The following CLCA4 variants were observed in gnomAD, a reference collection of about 807,000 sequenced individuals.
The protein encoded by CLCA4 is chloride channel accessory 4.
A neutral mutation model predicts 78.9 loss-of-function variants in CLCA4; 69 were observed. The observed-to-expected ratio is 0.87, with a 90% confidence interval of 0.72 to 1.07. The LOEUF (loss-of-function observed/expected upper bound fraction) is 1.07, where lower values mean the gene tolerates loss of function less well. Ranked by LOEUF, CLCA4 falls within the 50% of genes least tolerant of loss-of-function variation. CLCA4 has a pLI of 0.00. For missense variants in CLCA4, 1,133 were observed against 1,095.8 expected, an observed-to-expected ratio of 1.03 and a Z score of -0.48; for synonymous variants, 362 against 375.8, an observed-to-expected ratio of 0.96 and a Z score of 0.42.
intron 1 of CLCA4, among the ~76,000 whole-genome samples, chr1:86,548,682 T>C (rs1423314057): frequency 1.4e-4 from 7 of 49,784 alleles, no homozygotes; most frequent in African/African-American, 1.9e-4. Flanking sequence ...ACTCCCTCTC[T>C]GGAAAAAAAA....
chr1:86,563,887 TA>T (rs1228686669), intron 4 of CLCA4, 118 bp downstream of exon 4: 45 of 516,244 alleles, frequency 8.7e-5, no homozygotes, highest in African/African-American at 6.5e-4. Context: ...ACAATGCTTT[TA>T]TTTTTTTTTA....
intron 4 of CLCA4, among the ~76,000 whole-genome samples, chr1:86,564,247 T>C (rs991129063): frequency 1.3e-5 from 2 of 152,110 alleles, no homozygotes; most frequent in African/African-American, 4.8e-5. Flanking sequence ...GATTCTGTGA[T>C]CAAAAGAGCA....
Position 86,580,678 on chromosome 1 carries a change from T to C in CLCA4, c.*333T>C. 1 of 184,520 alleles carries C rather than the reference T, an allele frequency of 5.4e-6. No individual in the cohort carries two copies. The highest frequency in any genetic ancestry group is 6.1e-5 in the Admixed American group (1 of 16,508). 11.4% of individuals were successfully genotyped at this position (184,520 alleles called of 1,614,324 possible). ...TTCTGAAATGATATTTCAAATTGCA[T>C]CAAGAAATTAAAATCATCTATCTGA... On this transcript the variant is annotated 3_prime_UTR_variant, in exon 14 of 14. Coordinates refer to ENST00000370563, the MANE Select transcript of CLCA4 (RefSeq NM_012128.4).
intron 7 of CLCA4, among the ~76,000 whole-genome samples, chr1:86,570,246 T>G (rs923600057): frequency 6.6e-6 from 1 of 151,950 alleles, no homozygotes; most frequent in South Asian, 2.1e-4. Context: ...ACTGACAATC[T>G]GTCATTTTTC....
At chr1:86,578,996 C>A (rs1040683462) in intron 12 of CLCA4, among the ~76,000 whole-genome samples, 2 of 152,072 alleles carry the variant, frequency 1.3e-5, no homozygotes, top group African/African-American at 2.4e-5. Context: ...AGGGACCTAG[C>A]ACAAGTGGGT....
chr1:86,549,044 T>C (rs950992190), intron 1 of CLCA4, among the ~76,000 whole-genome samples: 15 of 152,218 alleles, frequency 9.9e-5, no homozygotes, highest in African/African-American at 3.4e-4. Flanking sequence ...ATGCAGTGTA[T>C]CTTCTTTTCA....
chr1:86,571,102 TC>T lies in CLCA4; in HGVS notation c.1209del (p.Asp404MetfsTer8). On this transcript the variant is annotated frameshift_variant, in exon 8 of 14. Coordinates refer to ENST00000370563, the MANE Select transcript of CLCA4 (RefSeq NM_012128.4). LOFTEE classifies it high-confidence loss of function. The stretch of plus-strand genomic sequence containing the variant: ...GTGATTGGAGAGCTACATTCCCAAC[TC>T]GATGGATCCGAAGTACTGCTGCTGA... ...FQVIGELHSQ[L>X]DGSEVLLLTD... The T allele has an allele frequency of 6.2e-7, 1 of 1,612,072 alleles. No homozygotes were observed. The highest frequency in any genetic ancestry group is 8.5e-7 in the Non-Finnish European group (1 of 1,178,488).
chr1:86,578,203 G>A, intron 12 of CLCA4, 131 bp downstream of exon 12: 1 of 846,244 alleles, frequency 1.2e-6, no homozygotes, highest in Non-Finnish European at 1.7e-6. Context: ...AAAGTTCTCA[G>A]TCATACTAGG....
intron 1 of CLCA4, among the ~76,000 whole-genome samples, chr1:86,558,080 T>G (rs946019857): frequency 2.0e-5 from 3 of 152,196 alleles, no homozygotes; most frequent in Non-Finnish European, 4.4e-5. Flanking sequence ...CCTATGGGTG[T>G]CATTATGCCT....
At chr1:86,555,481 G>C (rs140603100) in intron 1 of CLCA4, among the ~76,000 whole-genome samples, 1,828 of 152,246 alleles carry the variant, frequency 0.012, 42 homozygotes, top group African/African-American at 0.042. Flanking sequence ...GCTTGTTTTT[G>C]TCAGCTTTGT....
intron 7 of CLCA4, among the ~76,000 whole-genome samples, chr1:86,569,226 T>C (rs1033876696): frequency 6.6e-5 from 10 of 151,946 alleles, no homozygotes; most frequent in African/African-American, 2.4e-4. Context: ...GAGCCTTCTC[T>C]AAAAAGTAAC....
Position 86,574,619 on chromosome 1 carries a change from A to G in CLCA4, c.1547A>G (p.Asp516Gly). 2 of 1,613,316 alleles carry G rather than the reference A, an allele frequency of 1.2e-6. No individual in the cohort carries two copies. The highest frequency in any genetic ancestry group is 1.7e-6 in the Non-Finnish European group (2 of 1,179,510). Residue 516 changes from aspartate (D) to glycine (G), a missense_variant, in exon 10 of 14, where the codon GAC (aspartate) becomes GGC (glycine). Coordinates refer to ENST00000370563, the MANE Select transcript of CLCA4 (RefSeq NM_012128.4). ...TVIIDSTVGK[D>G]TFFLITWNSL... ...ATAATTGATAGTACAGTGGGAAAGG[A>G]CACGTTCTTTCTCATCACATGGAAC...
Position 86,580,127 on chromosome 1 carries a change from A to G in CLCA4, c.2542A>G (p.Ile848Val), listed in dbSNP as rs751566696. The G allele has an allele frequency of 1.2e-6, 2 of 1,612,780 alleles. No individual in the cohort carries two copies. Among genetic ancestry groups the G allele is most frequent in the Non-Finnish European group, 1.7e-6 (2 of 1,179,284 alleles). ...ATHIFIAIKS[I>V]DKSNLTSKVS... Reference sequence around the variant, plus strand: ...CCACATATTTATTGCCATTAAAAGTATAGATAAAAGCAATTTGACATCAAA... The same window carrying G: ...CCACATATTTATTGCCATTAAAAGTGTAGATAAAAGCAATTTGACATCAAA... The change falls in exon 14 of 14, where the codon ATA (isoleucine) becomes GTA (valine). Residue 848 changes from isoleucine (I) to valine (V), a missense_variant. Ile to Val is a conservative substitution (Grantham distance 29, BLOSUM62 3). Transcript: ENST00000370563.
chr1:86,561,992 A>G (rs1271714686), intron 3 of CLCA4, among the ~76,000 whole-genome samples: 2 of 152,178 alleles, frequency 1.3e-5, no homozygotes, highest in African/African-American at 4.8e-5. Flanking sequence ...AACACCACCA[A>G]CAATCACAAT....
At chr1:86,565,133 C>A in intron 4 of CLCA4, 141 bp from the exon 5 acceptor site, 1 of 553,928 alleles carries the variant, frequency 1.8e-6, no homozygotes, top group Non-Finnish European at 3.1e-6. Context: ...CCCTTAAACC[C>A]TATAGCCAGG....
At chr1:86,574,106 G>T (rs539331507) in intron 9 of CLCA4, among the ~76,000 whole-genome samples, 1 of 152,142 alleles carries the variant, frequency 6.6e-6, no homozygotes, top group African/African-American at 2.4e-5. Context: ...TTTCTTTAAA[G>T]CTCTTCTCAA....
intron 9 of CLCA4, among the ~76,000 whole-genome samples, 158 bp from the exon 10 acceptor site, chr1:86,574,382 A>G (rs1002405708): frequency 2.0e-5 from 3 of 152,064 alleles, no homozygotes; most frequent in Non-Finnish European, 2.9e-5. Flanking sequence ...TTTTTAATTG[A>G]TAACTGTCAT....
At chr1:86,577,470 A>T (rs1254499246) in intron 11 of CLCA4, among the ~76,000 whole-genome samples, 1 of 152,222 alleles carries the variant, frequency 6.6e-6, no homozygotes, top group Admixed American at 6.5e-5. Flanking sequence ...TGAGAATTAA[A>T]TCCTACACAA....
chr1:86,572,346 G>C (rs1462069352), intron 8 of CLCA4, among the ~76,000 whole-genome samples: 1 of 151,940 alleles, frequency 6.6e-6, no homozygotes, highest in African/African-American at 2.4e-5. Context: ...TTAATACATG[G>C]AATTGTAACA....
Sources: gnomAD v4.1 joint callset for allele counts (sites outside exome capture counted in the v4.1 genomes callset) on GRCh38, gnomAD v4.1.1 for gene constraint, MANE v1.5 for transcripts, NCBI Gene and HGNC (gene_info 2026-07-23, HGNC 2026-07-21) for gene names.